The following MACROD2 variants were observed in gnomAD, a reference collection of about 807,000 sequenced individuals.
The protein encoded by MACROD2 is mono-ADP ribosylhydrolase 2.
MACROD2 carries 36 observed loss-of-function variants against 70.4 expected under a neutral mutation model. That is an observed-to-expected ratio of 0.51 (90% CI 0.39 to 0.68). The LOEUF is 0.68. Among genes scored for constraint, MACROD2 ranks in the 30% least tolerant of loss-of-function variants. The pLI is 0.00. For missense variants in MACROD2, 496 were observed against 538.4 expected (o/e 0.92, Z 0.78); for synonymous variants, 172 against 178.8 (o/e 0.96, Z 0.30).
intron 8 of MACROD2, among the ~76,000 whole-genome samples, chr20:15,756,840 G>A (rs1310129082): frequency 1.3e-5 from 2 of 152,156 alleles, no homozygotes; most frequent in Admixed American, 6.6e-5. Context: ...TTCCAAGTTT[G>A]GATAATTTTA....
chr20:15,329,593 CATAAAA>C (rs1204575021), intron 6 of MACROD2, among the ~76,000 whole-genome samples: 14 of 151,956 alleles, frequency 9.2e-5, no homozygotes, highest in African/African-American at 2.7e-4. Context: ...AAATAAAGTA[CATAAAA>C]ATAAAAGTAA....
At chr20:15,919,218 T>C (rs1239318494) in intron 10 of MACROD2, among the ~76,000 whole-genome samples, 1 of 152,164 alleles carries the variant, frequency 6.6e-6, no homozygotes, top group Non-Finnish European at 1.5e-5. Context: ...GAATACTCCT[T>C]AGTGAGGGAT....
intron 5 of MACROD2, among the ~76,000 whole-genome samples, chr20:15,168,212 A>G (rs908561195): frequency 1.3e-5 from 2 of 152,168 alleles, no homozygotes; most frequent in African/African-American, 4.8e-5. Flanking sequence ...TCACTGGGCT[A>G]AAAATCAAGA....
At chr20:15,114,519 A>G (rs2075978420) in intron 5 of MACROD2, among the ~76,000 whole-genome samples, 1 of 152,132 alleles carries the variant, frequency 6.6e-6, no homozygotes, top group African/African-American at 2.4e-5. Context: ...TAACAACCAC[A>G]AAGGACTCTT....
chr20:15,336,504 C>A (rs1158028625), intron 6 of MACROD2, among the ~76,000 whole-genome samples: 1 of 151,146 alleles, frequency 6.6e-6, no homozygotes, highest in African/African-American at 2.5e-5. Flanking sequence ...TTGCCTGCAC[C>A]CTCTCATCTC....
At chr20:14,932,872 T>G (rs1255298912) in intron 5 of MACROD2, among the ~76,000 whole-genome samples, 1 of 152,116 alleles carries the variant, frequency 6.6e-6, no homozygotes, top group Non-Finnish European at 1.5e-5. Context: ...AGCAAACTCA[T>G]GTAAAGTTGA....
At chr20:13,999,327 CCTT>C (rs2052702920) in intron 1 of MACROD2, among the ~76,000 whole-genome samples, 2 of 152,126 alleles carry the variant, frequency 1.3e-5, no homozygotes, top group Non-Finnish European at 2.9e-5. Context: ...TTTGCTCAGT[CCTT>C]CATTGTCTTC....
At chr20:14,013,320 T>TGGA in intron 2 of MACROD2, among the ~76,000 whole-genome samples, 1 of 150,096 alleles carries the variant, frequency 6.7e-6, no homozygotes, top group South Asian at 2.1e-4. Context: ...TCGCCCAGGC[T>TGGA]GGAGTGCAGT....
Position 15,356,939 on chromosome 20 carries a change from C to G in MACROD2, c.541-74466C>G, listed in dbSNP as rs192740461. Among the ~76,000 whole-genome samples, 360 of 152,248 alleles carry G rather than the reference C, an allele frequency of 2.4e-3. 3 individuals are homozygous for G. Among genetic ancestry groups the G allele is most frequent in the South Asian group, 0.02 (96 of 4,822 alleles). ...TTTGCTGTCATGAAAGTATTACAAA[C>G]TGAATTCAGAATATAACAAACTTAC... On this transcript the variant is annotated intron_variant, in intron 6 of 17. Transcript: ENST00000684519.
At chr20:14,334,872 G>A (rs2082909221) in intron 3 of MACROD2, among the ~76,000 whole-genome samples, 1 of 151,696 alleles carries the variant, frequency 6.6e-6, no homozygotes, top group Admixed American at 6.6e-5. Context: ...GTTAGCTCTG[G>A]ATTTTGCCAT....
chr20:15,281,447 G>A (rs1349435300), intron 6 of MACROD2, among the ~76,000 whole-genome samples: 2 of 152,124 alleles, frequency 1.3e-5, no homozygotes, highest in African/African-American at 4.8e-5. Context: ...GATACAATGG[G>A]GGTACAGGCA....
chr20:14,192,224 A>G (rs1476401091), intron 3 of MACROD2, among the ~76,000 whole-genome samples: 1 of 150,908 alleles, frequency 6.6e-6, no homozygotes, highest in Non-Finnish European at 1.5e-5. Context: ...TTATCTGTGT[A>G]TTTTTTTTTG....
chr20:14,298,277 C>T (rs955525421), intron 3 of MACROD2, among the ~76,000 whole-genome samples: 3 of 151,670 alleles, frequency 2.0e-5, no homozygotes, highest in Admixed American at 6.6e-5. Context: ...ATAAGAAGTG[C>T]ATTTTTCTGG....
At chr20:15,910,491 C>A (rs1568634340) in intron 10 of MACROD2, among the ~76,000 whole-genome samples, 2 of 151,566 alleles carry the variant, frequency 1.3e-5, no homozygotes, top group Non-Finnish European at 2.9e-5. Context: ...GACGTAGGAC[C>A]ACTAGATTCA....
At chr20:15,023,411 T>C (rs1346666992) in intron 5 of MACROD2, among the ~76,000 whole-genome samples, 1 of 152,080 alleles carries the variant, frequency 6.6e-6, no homozygotes, top group Non-Finnish European at 1.5e-5. Flanking sequence ...AAATATGTCT[T>C]CCCAGAGAGG....
chr20:14,191,592 G>A (rs2081388506), intron 3 of MACROD2, among the ~76,000 whole-genome samples: 1 of 152,184 alleles, frequency 6.6e-6, no homozygotes, highest in Non-Finnish European at 1.5e-5. Flanking sequence ...TAGAGGAGAG[G>A]GAGAGTAGAG....
chr20:14,588,274 A>C (rs2224294), intron 4 of MACROD2, among the ~76,000 whole-genome samples: 102,490 of 151,934 alleles, frequency 0.67, 35,330 homozygotes, highest in East Asian at 0.93. Context: ...TCGTTCATTT[A>C]ATTTAAATTT....
intron 6 of MACROD2, among the ~76,000 whole-genome samples, chr20:15,245,448 ATTG>A (rs1203223552): frequency 2.6e-5 from 4 of 152,206 alleles, no homozygotes; most frequent in Non-Finnish European, 5.9e-5. Flanking sequence ...TGGCAATTCT[ATTG>A]TTGTATTCAA....
At chr20:14,746,485 T>A (rs1433348549) in intron 5 of MACROD2, among the ~76,000 whole-genome samples, 1 of 152,138 alleles carries the variant, frequency 6.6e-6, no homozygotes, top group East Asian at 1.9e-4. Context: ...CGTTTTGTGA[T>A]CATGATGTTT....
Sources: gnomAD v4.1 joint callset for allele counts (sites outside exome capture counted in the v4.1 genomes callset) on GRCh38, gnomAD v4.1.1 for gene constraint, MANE v1.5 for transcripts, NCBI Gene and HGNC (gene_info 2026-07-23, HGNC 2026-07-21) for gene names.